Variants in PLXNB2 observed in about 807,000 individuals in gnomAD.
PLXNB2 encodes plexin B2.
A neutral mutation model predicts 202.6 loss-of-function variants in PLXNB2; 85 were observed. The ratio of observed to expected loss-of-function variants is 0.42; its 90% CI spans 0.35 to 0.50. PLXNB2 has a LOEUF of 0.50. PLXNB2 is among the 20% of genes least tolerant of loss of function. The pLI is 0.02. For missense variants in PLXNB2, 2,063 were observed against 2,586.2 expected, an observed-to-expected ratio of 0.80 and a Z score of 4.39; for synonymous variants, 1,239 against 1,137.6, an observed-to-expected ratio of 1.09 and a Z score of -1.79.
At chr22:50,276,186 C>T (rs2065547399) in intron 35 of PLXNB2, among the ~76,000 whole-genome samples, 1 of 151,192 alleles carries the variant, frequency 6.6e-6, no homozygotes, top group Non-Finnish European at 1.5e-5. Context: ...GTGTGACGCA[C>T]GGCTGTGGAT....
intron 1 of PLXNB2, among the ~76,000 whole-genome samples, chr22:50,304,959 C>A (rs1355029731): frequency 6.6e-6 from 1 of 152,226 alleles, no homozygotes; most frequent in East Asian, 1.9e-4. Context: ...CGCCAACTTC[C>A]AAGGAGGGCG....
rs1195304714 is a variant in PLXNB2 at position 50,283,866 on chromosome 22, G to A, written c.2388C>T (p.Thr796=). The change falls in exon 14 of 37, where the codon ACC becomes ACT. Residue 796 remains threonine (T), a synonymous_variant. Coordinates refer to ENST00000359337, the MANE Select transcript of PLXNB2 (RefSeq NM_012401.4). ...SRCVYEALCN[T]TSECPPPVIT... ...TGACGGGCGGCGGGCACTCGGAGGTGGTGTTGCACAGGGCCTCATACACGC... is the reference window on the plus strand; with the variant it reads ...TGACGGGCGGCGGGCACTCGGAGGTAGTGTTGCACAGGGCCTCATACACGC... 13 of 1,608,002 alleles carry A rather than the reference G, an allele frequency of 8.1e-6. No homozygotes were observed. The highest frequency in any genetic ancestry group is 1.1e-5 in the Non-Finnish European group (13 of 1,177,294).
chr22:50,292,811 C>T (rs2066976129), intron 2 of PLXNB2, among the ~76,000 whole-genome samples: 2 of 152,234 alleles, frequency 1.3e-5, no homozygotes, highest in Admixed American at 6.5e-5. Flanking sequence ...CGACCGACAA[C>T]ATCTGAGCCA....
Position 50,291,296 on chromosome 22 carries a change from G to A in PLXNB2, c.-13-699C>T, listed in dbSNP as rs1327581030. ...GCCCAGGGCACAGCCTCTGATGTGC[G>A]CACAGCGGAGGCAACAAGGGGACCT... On this transcript the variant is annotated intron_variant, in intron 2 of 36. Transcript: ENST00000359337. The surrounding 1 kb of genome is among the most constrained non-coding windows in gnomAD (Gnocchi z 4.3). Among the ~76,000 whole-genome samples the A allele has an allele frequency of 6.6e-6, 1 of 152,178 alleles. No individual in the cohort carries two copies. The highest frequency in any genetic ancestry group is 1.5e-5 in the Non-Finnish European group (1 of 68,034).
At chr22:50,302,488 A>G (rs1036259565) in intron 1 of PLXNB2, among the ~76,000 whole-genome samples, 2 of 151,768 alleles carry the variant, frequency 1.3e-5, no homozygotes, top group African/African-American at 4.8e-5. Flanking sequence ...GGCCTGGTCG[A>G]GAGCCACTGG....
intron 36 of PLXNB2, 28 bp from the exon 37 acceptor site, chr22:50,275,836 C>T (rs368362707): frequency 3.0e-4 from 489 of 1,607,540 alleles, no homozygotes; most frequent in Admixed American, 3.8e-4. Flanking sequence ...CAGAGCACAC[C>T]GGGGGACCGC....
rs370325511 is a variant in PLXNB2 at position 50,287,220 on chromosome 22, G to A, written c.1653C>T (p.Asp551=). ...ACTCCCCAAAAAGGCACAGCAACTC[G>A]TCCTCCTCGCTCAGGGCAGGGAGGG... is the stretch of plus-strand genomic sequence containing the variant. ...VSPLPALSEE[D]ELLCLFGESP... Residue 551 remains aspartate (D), a synonymous_variant, in exon 8 of 37, where the codon GAC becomes GAT. Transcript: ENST00000359337. 22 of 1,550,606 alleles carry A rather than the reference G, an allele frequency of 1.4e-5. No individual in the cohort carries two copies. Among genetic ancestry groups the A allele is most frequent in the South Asian group, 3.6e-5 (3 of 83,918 alleles).
Position 50,305,877 on chromosome 22 carries a change from G to A in PLXNB2, c.-74+1676C>T, listed in dbSNP as rs547872755. On this transcript the variant is annotated intron_variant, in intron 1 of 36. Transcript: ENST00000359337. ...CCATGGTCTCCCCCAGAGGGGCTTG[G>A]GCCCACTGCAGGCTCAGCAGGGCCT... Among the ~76,000 whole-genome samples the A allele has an allele frequency of 7.4e-3, 1,123 of 151,872 alleles. 7 individuals carry two copies. Among genetic ancestry groups the A allele is most frequent in the Non-Finnish European group, 0.011 (716 of 67,662 alleles).
chr22:50,290,698 G>T, intron 2 of PLXNB2, 101 bp from the exon 3 acceptor site: 1 of 1,259,290 alleles, frequency 7.9e-7, no homozygotes, highest in Non-Finnish European at 1.1e-6. Flanking sequence ...GGGAGAGAGG[G>T]TCACGCCACT....
At position 50,297,287 on chromosome 22, in the gene PLXNB2, G is replaced by A. The variant is rs951504354; in HGVS notation, c.-73-2509C>T. ...GCCTCCACGGGCCCAGGCCCCAGGCGTGGGCGGGGGCAGCCAAGGTCAGGG... is the reference window on the plus strand; with the variant it reads ...GCCTCCACGGGCCCAGGCCCCAGGCATGGGCGGGGGCAGCCAAGGTCAGGG... On this transcript the variant is annotated intron_variant, in intron 1 of 36. Coordinates refer to ENST00000359337, the MANE Select transcript of PLXNB2 (RefSeq NM_012401.4). The surrounding 1 kb of genome is among the most constrained non-coding windows in gnomAD (Gnocchi z 5.3). Among the ~76,000 whole-genome samples the A allele has an allele frequency of 6.6e-6, 1 of 152,092 alleles. No individual in the cohort carries two copies. Among genetic ancestry groups the A allele is most frequent in the African/African-American group, 2.4e-5 (1 of 41,412 alleles).
At position 50,280,636 on chromosome 22, in the gene PLXNB2, G is replaced by A. The variant is rs539295991; in HGVS notation, c.4028C>T (p.Ser1343Leu). Reference sequence around the variant, plus strand: ...CGCGAAGTAGACCTTGGCGCGGGCCGAGAACTCCCGCTGGTTCTCCAGGGT... The same window carrying A: ...CGCGAAGTAGACCTTGGCGCGGGCCAAGAACTCCCGCTGGTTCTCCAGGGT... Reference protein sequence around the residue: ...IHTLENQREFSARAKVYFASL... With the variant: ...IHTLENQREFLARAKVYFASL... The change falls in exon 25 of 37, where the codon TCG (serine) becomes TTG (leucine). Residue 1343 changes from serine to leucine, a missense_variant. Physicochemically the swap from Ser to Leu is moderately radical, Grantham distance 145. Transcript: ENST00000359337. The A allele has an allele frequency of 3.7e-6, 6 of 1,612,594 alleles. No homozygotes were observed. The highest frequency in any genetic ancestry group is 1.3e-5 in the African/African-American group (1 of 75,046).
chr22:50,287,369 C>T, intron 7 of PLXNB2, 105 bp from the exon 8 acceptor site: 3 of 1,254,702 alleles, frequency 2.4e-6, no homozygotes, highest in Non-Finnish European at 3.2e-6. Flanking sequence ...CCCAGTGGAG[C>T]CTCCAGAACC....
chr22:50,284,937 T>A lies in PLXNB2; in HGVS notation c.2089-272A>T, dbSNP rs1038040092. On this transcript the variant is annotated intron_variant, in intron 11 of 36. Coordinates refer to ENST00000359337, the MANE Select transcript of PLXNB2 (RefSeq NM_012401.4). The surrounding 1 kb of genome is among the most constrained non-coding windows in gnomAD (Gnocchi z 8.0). ...ACCTGAGAACATCGCCCGGCCCACC[T>A]GACATCGTGGCCCCCACAGCTCCCT... The A allele has an allele frequency of 1.7e-5, 10 of 579,808 alleles. No homozygotes were observed. The highest frequency in any genetic ancestry group is 1.6e-4 in the Admixed American group (7 of 44,438). 35.9% of individuals were successfully genotyped at this position (579,808 alleles called of 1,614,324 possible). A position where few individuals can be genotyped will look rare whatever the true frequency, so the allele number is the denominator to read the frequency against.
chr22:50,287,397 A>C, intron 7 of PLXNB2, 133 bp from the exon 8 acceptor site: 1 of 1,042,726 alleles, frequency 9.6e-7, no homozygotes, highest in Non-Finnish European at 1.4e-6. Flanking sequence ...ACGTCTTCCA[A>C]TACAGGCCTC....
At chr22:50,301,243 C>A in intron 1 of PLXNB2, 1 of 241,704 alleles carries the variant, frequency 4.1e-6, no homozygotes, top group Non-Finnish European at 6.7e-6. Context: ...CCACCCCTTT[C>A]GGGGTCCCAG....
At chr22:50,281,040 A>C (rs778821527) in intron 23 of PLXNB2, 49 bp downstream of exon 23, 123 of 1,600,946 alleles carry the variant, frequency 7.7e-5, no homozygotes, top group Middle Eastern at 6.6e-4. Context: ...TACACACAGC[A>C]TCCCCGCCCC....
chr22:50,277,909 C>A lies in PLXNB2; in HGVS notation c.4992G>T (p.Gln1664His). Residue 1664 changes from glutamine (Q) to histidine (H), a missense_variant, in exon 32 of 37, where the codon CAG becomes CAT. Around this residue, in one of 2 missense-constraint regions of PLXNB2, gnomAD observed 760 missense variants for 1,109.4 expected, o/e 0.69. Transcript: ENST00000359337. ...VKYFFDFLDE[Q>H]AEKHNIQDED... The stretch of plus-strand genomic sequence containing the variant: ...CATCCTGGATGTTGTGCTTCTCTGC[C>A]TGCTCGTCCAGGAAGTCGAAGAAGT... 6.2e-7 allele frequency: 1 copy of A among 1,613,244 alleles called. No homozygotes were observed. The highest frequency in any genetic ancestry group is 8.5e-7 in the Non-Finnish European group (1 of 1,179,984).
rs574976810 is a variant in PLXNB2 at position 50,291,176 on chromosome 22, C to T, written c.-13-579G>A. 1.8e-4 allele frequency among the ~76,000 whole-genome samples: 28 copies of T among 152,258 alleles called. No individual in the cohort carries two copies. The highest frequency in any genetic ancestry group is 3.1e-4 in the African/African-American group (13 of 41,542). ...ACAACTGCCCGCCAGAGCCCCCAGG[C>T]GGCCTGAGCCTCCCTGACCACCTCC... On this transcript the variant is annotated intron_variant, in intron 2 of 36. Coordinates refer to ENST00000359337, the MANE Select transcript of PLXNB2 (RefSeq NM_012401.4). The surrounding 1 kb of genome is among the most constrained non-coding windows in gnomAD (Gnocchi z 4.3).
Position 50,290,118 on chromosome 22 carries a change from A to C in PLXNB2, c.467T>G (p.Leu156Arg), listed in dbSNP as rs1386653254. The change falls in exon 3 of 37, where the codon CTG (leucine) becomes CGG (arginine). Residue 156 changes from leucine (L) to arginine (R), a missense_variant. Leu to Arg is a moderately radical substitution (Grantham distance 102, BLOSUM62 -2). Coordinates refer to ENST00000359337, the MANE Select transcript of PLXNB2 (RefSeq NM_012401.4). ...ACCACCAGGACCCGTGGAGCTCACC[A>C]GCCCCACTGTGGCCACGCCCTCATC... ...SNDEGVATVGLVSSTGPGGDR... is the reference protein window; with the variant it reads ...SNDEGVATVGRVSSTGPGGDR... The C allele has an allele frequency of 1.9e-6, 3 of 1,613,098 alleles. No individual in the cohort carries two copies. The highest frequency in any genetic ancestry group is 2.5e-6 in the Non-Finnish European group (3 of 1,179,982).
Sources: gnomAD v4.1 joint callset for allele counts (sites outside exome capture counted in the v4.1 genomes callset) on GRCh38, gnomAD v4.1.1 for gene constraint, gnomAD v4.1.1 regional missense constraint, Gnocchi (gnomAD v3.1) non-coding constraint, MANE v1.5 for transcripts, NCBI Gene and HGNC (gene_info 2026-07-23, HGNC 2026-07-21) for gene names.